Variants in FARP1 observed in about 807,000 individuals in gnomAD.
FARP1 encodes FERM, ARHGEF and pleckstrin domain-containing protein 1.
In FARP1, 52 loss-of-function variants were observed where a neutral mutation model predicts 128.8. That is an observed-to-expected ratio of 0.40 (90% CI 0.32 to 0.51). The LOEUF (loss-of-function observed/expected upper bound fraction) is 0.51, where lower values mean the gene tolerates loss of function less well. Ranked by LOEUF, FARP1 falls within the 20% of genes least tolerant of loss-of-function variation. FARP1 has a pLI of 0.45. For synonymous variants in FARP1, 580 were observed against 551.8 expected (o/e 1.05, Z -0.72); for missense variants, 1,333 against 1,367.9 (o/e 0.97, Z 0.40).
chr13:98,351,611 A>AG (rs1888429809), intron 3 of FARP1, among the ~76,000 whole-genome samples: 2 of 90,682 alleles, frequency 2.2e-5, no homozygotes, highest in Admixed American at 2.9e-4. Context: ...GACTCCATCT[A>AG]AAAAAAAAAA....
chr13:98,386,210 A>C (rs1176303048), intron 8 of FARP1, among the ~76,000 whole-genome samples: 6 of 88,040 alleles, frequency 6.8e-5, no homozygotes, highest in African/African-American at 9.9e-5. Context: ...TTTTTTTTTC[A>C]AACACAGTTT....
chr13:98,279,070 C>T (rs1483872986), intron 2 of FARP1, among the ~76,000 whole-genome samples: 1 of 151,168 alleles, frequency 6.6e-6, no homozygotes, highest in East Asian at 1.9e-4. Flanking sequence ...CTCCTGACCT[C>T]GTTATCTGCC....
intron 2 of FARP1, among the ~76,000 whole-genome samples, chr13:98,238,965 C>T (rs1405333425): frequency 6.6e-6 from 1 of 152,152 alleles, no homozygotes; most frequent in Admixed American, 6.5e-5. Flanking sequence ...ACCCACTTAG[C>T]ATGCGTTACC....
chr13:98,218,276 C>G (rs1250422345), intron 2 of FARP1, among the ~76,000 whole-genome samples: 2 of 152,194 alleles, frequency 1.3e-5, no homozygotes, highest in African/African-American at 4.8e-5. Context: ...GGCCAGCCTT[C>G]TCTCCTGACA....
chr13:98,160,968 G>A (rs950064235), intron 1 of FARP1, among the ~76,000 whole-genome samples: 5 of 151,990 alleles, frequency 3.3e-5, no homozygotes, highest in African/African-American at 7.2e-5. Context: ...GTGAGCCACC[G>A]CGCCTGGCTT....
intron 1 of FARP1, among the ~76,000 whole-genome samples, chr13:98,186,902 G>T (rs1594246218): frequency 7.3e-6 from 1 of 136,434 alleles, no homozygotes; most frequent in African/African-American, 2.7e-5. Context: ...TGAGGCGTAA[G>T]AATTGCTTGA....
chr13:98,226,679 G>A (rs1048970611), intron 2 of FARP1, among the ~76,000 whole-genome samples: 15 of 152,164 alleles, frequency 9.9e-5, no homozygotes, highest in Admixed American at 2.6e-4. Flanking sequence ...CCCAGTAAGT[G>A]GAGGAGACCA....
chr13:98,308,911 C>T (rs893616729), intron 2 of FARP1, among the ~76,000 whole-genome samples: 1 of 152,008 alleles, frequency 6.6e-6, no homozygotes, highest in Non-Finnish European at 1.5e-5. Context: ...CTCCTGGGCT[C>T]AAGTGATTTG....
intron 16 of FARP1, among the ~76,000 whole-genome samples, chr13:98,418,443 T>G (rs554287448): frequency 1.1e-3 from 167 of 152,186 alleles, no homozygotes; most frequent in Non-Finnish European, 1.7e-3. Context: ...CCTGGCTAAT[T>G]TTTGTATTTT....
chr13:98,164,923 T>TA (rs764804453), intron 1 of FARP1, among the ~76,000 whole-genome samples: 9 of 151,552 alleles, frequency 5.9e-5, no homozygotes, highest in Non-Finnish European at 1.3e-4. Context: ...CTACTAAAAA[T>TA]ACAAAAATTA....
chr13:98,444,575 G>A (rs962637479), intron 24 of FARP1, among the ~76,000 whole-genome samples: 2 of 152,190 alleles, frequency 1.3e-5, no homozygotes, highest in African/African-American at 4.8e-5. Flanking sequence ...AGGCCAGGAT[G>A]GACCCGACAC....
intron 26 of FARP1, chr13:98,447,934 T>C (rs1426678529): frequency 3.3e-5 from 14 of 422,224 alleles, no homozygotes; most frequent in Middle Eastern, 6.3e-4. Flanking sequence ...TCCATGAAAA[T>C]AGGAGGTAGC....
At chr13:98,224,526 C>CAAAAAAAAA (rs1203238924) in intron 2 of FARP1, among the ~76,000 whole-genome samples, 1 of 50,270 alleles carries the variant, frequency 2.0e-5, no homozygotes, top group Non-Finnish European at 4.7e-5. Flanking sequence ...GACTCTGTCT[C>CAAAAAAAAA]AAAAAAAAAA....
At chr13:98,337,638 A>T (rs1441609433) in intron 2 of FARP1, among the ~76,000 whole-genome samples, 1 of 151,274 alleles carries the variant, frequency 6.6e-6, no homozygotes, top group Non-Finnish European at 1.5e-5. Flanking sequence ...TGAATTTTCC[A>T]CAGGGCCTTT....
chr13:98,375,996 A>G (rs1889564543), intron 5 of FARP1, among the ~76,000 whole-genome samples: 1 of 152,138 alleles, frequency 6.6e-6, no homozygotes, highest in South Asian at 2.1e-4. Context: ...GCAGCAGGTA[A>G]ACTAGATATC....
At chr13:98,373,411 G>A (rs1889433948) in intron 5 of FARP1, among the ~76,000 whole-genome samples, 1 of 152,000 alleles carries the variant, frequency 6.6e-6, no homozygotes, top group Non-Finnish European at 1.5e-5. Flanking sequence ...CAAAGTGTTG[G>A]GCTCAAAAGA....
At chr13:98,431,369 C>G in intron 18 of FARP1, 89 bp downstream of exon 18, 4 of 878,084 alleles carry the variant, frequency 4.6e-6, no homozygotes, top group Non-Finnish European at 6.9e-6. Flanking sequence ...GAGGGGCTCC[C>G]CGGGGAGAGA....
chr13:98,177,748 A>T (rs1420169174), intron 1 of FARP1: 1 of 149,602 alleles, frequency 6.7e-6, no homozygotes, highest in African/African-American at 2.5e-5. Flanking sequence ...AGTCATCTTC[A>T]CTTGCTCCTC....
In FARP1 at chr13:98,265,576, C is replaced by A. The variant is rs1469809022; in HGVS notation, c.171+52163C>A. Among the ~76,000 whole-genome samples, 8 of 151,978 alleles carry A rather than the reference C, an allele frequency of 5.3e-5. No individual in the cohort carries two copies. In the East Asian group the frequency reaches 1.5e-3, roughly 29 times the overall value. On this transcript the variant is annotated intron_variant, in intron 2 of 26. Transcript: ENST00000319562. ...CCTCGTGATCCGCCCGCCTTGGCCT[C>A]CCAAAGTGCTGGGATTACAGGCGTG... is the stretch of plus-strand genomic sequence containing the variant.
Sources: allele counts gnomAD v4.1 joint callset (sites outside exome capture counted in the v4.1 genomes callset), GRCh38; gene constraint gnomAD v4.1.1; transcripts MANE v1.5; gene names NCBI Gene and HGNC (gene_info 2026-07-23, HGNC 2026-07-21).